Variants in XKR4 observed in about 807,000 individuals in gnomAD.
The protein encoded by XKR4 is XK-related protein 4.
XKR4 carries 12 observed loss-of-function variants against 53.9 expected under a neutral mutation model. That is an observed-to-expected ratio of 0.22 (90% confidence interval 0.14 to 0.36). The LOEUF is 0.36. Ranked by LOEUF, XKR4 falls within the 10% of genes least tolerant of loss-of-function variation. The pLI is 1.00. For synonymous variants in XKR4, 354 were observed against 362.4 expected (o/e 0.98, Z 0.26); for missense variants, 799 against 859.5 (o/e 0.93, Z 0.88).
intron 1 of XKR4, among the ~76,000 whole-genome samples, chr8:55,183,203 C>T (rs1817337258): frequency 2.0e-5 from 3 of 151,460 alleles, no homozygotes. Context: ...ACATATCTTT[C>T]TATTTTCAAT....
intron 1 of XKR4, among the ~76,000 whole-genome samples, chr8:55,108,238 A>G (rs1816180074): frequency 6.6e-6 from 1 of 152,180 alleles, no homozygotes; most frequent in African/African-American, 2.4e-5. Context: ...CATGCTCTAC[A>G]TATGGAGTGA....
At position 55,433,797 on chromosome 8, in the gene XKR4, G is replaced by A. The variant is rs1431389371; in HGVS notation, c.1006+75920G>A. ...TCCCAGCACTTAGAGAAGCTGAGGT[G>A]GGAAGATTGCTTGAGCCTAGGAGTT... On this transcript the variant is annotated intron_variant, in intron 2 of 2. Coordinates refer to ENST00000327381, the MANE Select transcript of XKR4 (RefSeq NM_052898.2). Among the ~76,000 whole-genome samples the A allele has an allele frequency of 5.9e-5, 9 of 152,204 alleles. No homozygotes were observed. In the East Asian group the frequency reaches 1.7e-3, roughly 29 times the overall value.
intron 1 of XKR4, among the ~76,000 whole-genome samples, chr8:55,352,506 TG>T: frequency 6.6e-6 from 1 of 152,334 alleles, no homozygotes; most frequent in East Asian, 1.9e-4. Flanking sequence ...GTTTGGGTGA[TG>T]GAAATTGGAT....
chr8:55,500,435 A>G (rs1008096004), intron 2 of XKR4, among the ~76,000 whole-genome samples: 3 of 152,204 alleles, frequency 2.0e-5, no homozygotes, highest in African/African-American at 7.2e-5. Flanking sequence ...CACATTGACA[A>G]GATCCACCCA....
intron 2 of XKR4, chr8:55,452,557 G>T (rs1468380192): frequency 1.4e-5 from 10 of 736,678 alleles, no homozygotes; most frequent in Non-Finnish European, 2.2e-5. Flanking sequence ...TTCTAGATGG[G>T]CATCAGCCTC....
At chr8:55,453,906 C>G (rs1196572211) in intron 2 of XKR4, 3 of 610,250 alleles carry the variant, frequency 4.9e-6, no homozygotes, top group Non-Finnish European at 9.4e-6. Flanking sequence ...ACAAAGAGAG[C>G]AAAGGCCATG....
At chr8:55,233,195 C>T (rs149432714) in intron 1 of XKR4, among the ~76,000 whole-genome samples, 1,839 of 152,300 alleles carry the variant, frequency 0.012, 24 homozygotes, top group Middle Eastern at 0.068. Context: ...AAAGCTACAA[C>T]GCCTGGCTTC....
chr8:55,121,364 A>T (rs1816387902), intron 1 of XKR4, among the ~76,000 whole-genome samples: 1 of 152,202 alleles, frequency 6.6e-6, no homozygotes, highest in South Asian at 2.1e-4. Flanking sequence ...ACCCTGTGCC[A>T]AATGACCCTA....
At chr8:55,308,115 TG>T (rs1819332174) in intron 1 of XKR4, among the ~76,000 whole-genome samples, 1 of 152,002 alleles carries the variant, frequency 6.6e-6, no homozygotes, top group South Asian at 2.1e-4. Context: ...TAGCTGGGCA[TG>T]GTGGCATGTG....
At chr8:55,442,938 G>A (rs2658944) in intron 2 of XKR4, among the ~76,000 whole-genome samples, 17,162 of 152,086 alleles carry the variant, frequency 0.11, 1,573 homozygotes, top group East Asian at 0.39. Flanking sequence ...GAATGTAATA[G>A]TATATAAAAT....
intron 2 of XKR4, among the ~76,000 whole-genome samples, chr8:55,420,549 A>G (rs1317664646): frequency 1.4e-5 from 2 of 145,526 alleles, no homozygotes; most frequent in Non-Finnish European, 3.0e-5. Flanking sequence ...AAAACCAAAC[A>G]CCGCATATTC....
intron 2 of XKR4, among the ~76,000 whole-genome samples, chr8:55,486,768 C>A (rs1345362260): frequency 6.6e-6 from 1 of 152,206 alleles, no homozygotes; most frequent in African/African-American, 2.4e-5. Flanking sequence ...AATTTTCCAC[C>A]TTCACAGCAC....
rs1806888078 is a variant in XKR4 at position 55,526,807 on chromosome 8, A to G, written c.*2580A>G. On this transcript the variant is annotated 3_prime_UTR_variant, in exon 3 of 3. Transcript: ENST00000327381. ...CTCATTCAACATGTTAAGAGTCAGA[A>G]TGAATACTATGTCAATGAAAAATGA... is the stretch of plus-strand genomic sequence containing the variant. 6.6e-6 allele frequency: 1 copy of G among 152,218 alleles called. No homozygotes were observed. The highest frequency in any genetic ancestry group is 1.5e-5 in the Non-Finnish European group (1 of 68,046). The allele number at this position is 152,218 out of a possible 1,614,324, so 9.4% of individuals were successfully genotyped here.
intron 2 of XKR4, among the ~76,000 whole-genome samples, chr8:55,465,344 C>T (rs760760439): frequency 6.6e-5 from 10 of 152,136 alleles, no homozygotes; most frequent in Non-Finnish European, 1.0e-4. Flanking sequence ...TATCTACAAC[C>T]ATCTGATCTT....
chr8:55,375,385 C>T (rs954984598), intron 2 of XKR4, among the ~76,000 whole-genome samples: 9 of 152,030 alleles, frequency 5.9e-5, no homozygotes, highest in Non-Finnish European at 1.0e-4. Flanking sequence ...GAAAAGAGTT[C>T]CCTCATTCAC....
intron 2 of XKR4, among the ~76,000 whole-genome samples, chr8:55,411,830 C>A (rs1009169517): frequency 6.6e-6 from 1 of 152,158 alleles, no homozygotes; most frequent in South Asian, 2.1e-4. Flanking sequence ...CCCAGCACTG[C>A]CTGACAGCGC....
intron 1 of XKR4, among the ~76,000 whole-genome samples, chr8:55,315,893 T>C (rs937336873): frequency 2.6e-5 from 4 of 152,040 alleles, no homozygotes; most frequent in Non-Finnish European, 5.9e-5. Flanking sequence ...TCTCTGAAAA[T>C]CCTAAAAATT....
At chr8:55,478,019 G>C (rs896852290) in intron 2 of XKR4, among the ~76,000 whole-genome samples, 2 of 152,102 alleles carry the variant, frequency 1.3e-5, no homozygotes, top group Non-Finnish European at 2.9e-5. Flanking sequence ...AATCTAGCAA[G>C]GCAGGTCAAC....
chr8:55,475,273 C>G (rs140087551), intron 2 of XKR4, among the ~76,000 whole-genome samples: 3 of 152,138 alleles, frequency 2.0e-5, no homozygotes, highest in Non-Finnish European at 2.9e-5. Context: ...TATGTGATGG[C>G]CCAGGGTTGT....
Sources: allele counts gnomAD v4.1 joint callset (sites outside exome capture counted in the v4.1 genomes callset), GRCh38; gene constraint gnomAD v4.1.1; transcripts MANE v1.5; gene names NCBI Gene and HGNC (gene_info 2026-07-23, HGNC 2026-07-21).